Variants in MSN observed in about 807,000 individuals in gnomAD.
The protein encoded by MSN is moesin.
MSN carries 2 observed loss-of-function variants against 48.0 expected under a neutral mutation model. The observed-to-expected ratio is 0.04, with a 90% confidence interval of 0.02 to 0.13. MSN has a LOEUF of 0.13. Ranked by LOEUF, MSN falls within the 10% of genes least tolerant of loss-of-function variation. The pLI, the probability that MSN is intolerant of heterozygous loss-of-function variation, is 1.00. For synonymous variants in MSN, 146 were observed against 166.9 expected (o/e 0.87, Z 0.97); for missense variants, 267 against 470.1 (o/e 0.57, Z 3.99).
chrX:65,712,422 A>G (rs982191323), intron 1 of MSN, among the ~76,000 whole-genome samples: 6 of 111,324 alleles, frequency 5.4e-5, no homozygotes, highest in African/African-American at 1.6e-4. Flanking sequence ...CTAGAGGTTC[A>G]AAGACTGATA....
intron 1 of MSN, among the ~76,000 whole-genome samples, chrX:65,595,101 G>T (rs908295183): frequency 4.5e-5 from 5 of 111,829 alleles, no homozygotes; most frequent in Non-Finnish European, 9.4e-5. Flanking sequence ...TCATGATTAG[G>T]TTCTCACTCT....
At chrX:65,615,461 G>A (rs1349252072) in intron 1 of MSN, among the ~76,000 whole-genome samples, 3 of 110,379 alleles carry the variant, frequency 2.7e-5, no homozygotes, top group African/African-American at 1.0e-4. Context: ...GCCAGTGATG[G>A]TGAGCATTTT....
chrX:65,667,549 G>A (rs2070885282), upstream of MSN: 2 of 743,703 alleles, frequency 2.7e-6, no homozygotes, highest in African/African-American at 4.6e-5. Context: ...CTGGCCAGGC[G>A]GGGCTGGGCG....
chrX:65,738,872 TG>T, intron 11 of MSN, 97 bp from the exon 12 acceptor site: 1 of 879,244 alleles, frequency 1.1e-6, no homozygotes, highest in Non-Finnish European at 1.6e-6. Flanking sequence ...TTGTCCTACC[TG>T]GTGCCTGCCT....
intron 1 of MSN, among the ~76,000 whole-genome samples, chrX:65,647,474 G>A (rs1311030037): frequency 8.9e-6 from 1 of 112,610 alleles, no homozygotes; most frequent in Admixed American, 9.4e-5. Context: ...GCTTCCCAAA[G>A]TGCTGGGATT....
chrX:65,736,314 G>A (rs2071675199), intron 8 of MSN, among the ~76,000 whole-genome samples: 1 of 111,009 alleles, frequency 9.0e-6, no homozygotes, highest in Admixed American at 9.5e-5. Context: ...GGCCTATGTG[G>A]GGCTATGATA....
intron 1 of MSN, among the ~76,000 whole-genome samples, chrX:65,662,403 C>T (rs1433425324): frequency 2.7e-5 from 3 of 112,041 alleles, no homozygotes; most frequent in Non-Finnish European, 5.6e-5. Context: ...GCTATCAAGA[C>T]CAAAACAGCA....
At chrX:65,708,235 A>C (rs955168160) in intron 1 of MSN, among the ~76,000 whole-genome samples, 4 of 111,432 alleles carry the variant, frequency 3.6e-5, no homozygotes, top group African/African-American at 1.3e-4. Context: ...CAGTGTTTTG[A>C]TATATACAAT....
At chrX:65,678,222 C>T (rs144507927) in intron 1 of MSN, among the ~76,000 whole-genome samples, 1 of 111,893 alleles carries the variant, frequency 8.9e-6, no homozygotes, top group East Asian at 2.8e-4. Flanking sequence ...TCCTTTAGTA[C>T]AGGGAATGCC....
At chrX:65,707,962 C>T (rs1002814752) in intron 1 of MSN, among the ~76,000 whole-genome samples, 2 of 111,949 alleles carry the variant, frequency 1.8e-5, no homozygotes, top group African/African-American at 6.5e-5. Context: ...GCCTTGTCCT[C>T]ATGACTTAGT....
chrX:65,722,404 CGTGTGTGT>C (rs55900091), intron 2 of MSN, among the ~76,000 whole-genome samples: 13 of 94,699 alleles, frequency 1.4e-4, no homozygotes, highest in South Asian at 9.7e-4. Flanking sequence ...CGTGCACGCT[CGTGTGTGT>C]GTGTGTGTGT....
Position 65,592,831 on chromosome X carries a change from A to T in MSN, c.-22+4219A>T, listed in dbSNP as rs2070158665. Among the ~76,000 whole-genome samples, 2 of 110,531 alleles carry T rather than the reference A, an allele frequency of 1.8e-5. 1 individual carries two copies. The highest frequency in any genetic ancestry group is 7.8e-4 in the South Asian group (2 of 2,579). On this transcript the variant is annotated intron_variant, in intron 1 of 3. Coordinates refer to the MSN transcript ENST00000609672. Reference sequence around the variant, plus strand: ...CAAGGTGGGCGGATCACTTGAGCTCAGGAGTTCGAGACCAGCCTGTCCAAT... The same window carrying T: ...CAAGGTGGGCGGATCACTTGAGCTCTGGAGTTCGAGACCAGCCTGTCCAAT...
intron 1 of MSN, among the ~76,000 whole-genome samples, chrX:65,702,517 T>C (rs999495428): frequency 2.8e-5 from 3 of 108,778 alleles, no homozygotes; most frequent in Non-Finnish European, 5.7e-5. Context: ...AATACAAAAA[T>C]TAGCCAGACA....
At chrX:65,611,599 T>C (rs1214275073) in intron 1 of MSN, among the ~76,000 whole-genome samples, 1 of 112,139 alleles carries the variant, frequency 8.9e-6, no homozygotes, top group Non-Finnish European at 1.9e-5. Flanking sequence ...ACATTTAGTA[T>C]ATTTCATTCA....
chrX:65,736,727 C>T (rs1003362697), intron 8 of MSN, 68 bp from the exon 9 acceptor site: 8 of 1,117,798 alleles, frequency 7.2e-6, no homozygotes, highest in South Asian at 2.1e-5. Context: ...TGAGCCACCG[C>T]GCCTGGCCTC....
At chrX:65,634,644 G>C (rs1189748908) in intron 1 of MSN, among the ~76,000 whole-genome samples, 1 of 112,312 alleles carries the variant, frequency 8.9e-6, no homozygotes, top group African/African-American at 3.2e-5. Context: ...ATAAAAAAAA[G>C]CCATTGAAAT....
chrX:65,600,791 C>A (rs2070229147), intron 1 of MSN: 1 of 111,767 alleles, frequency 8.9e-6, no homozygotes, highest in Non-Finnish European at 1.9e-5. Context: ...ACCCCACAAC[C>A]CTGATTATGG....
chrX:65,628,393 C>T (rs2070525839), intron 1 of MSN, among the ~76,000 whole-genome samples: 1 of 112,856 alleles, frequency 8.9e-6, no homozygotes, highest in African/African-American at 3.2e-5. Flanking sequence ...ATGGAAGCTG[C>T]CAGGGCTTGG....
chrX:65,653,673 T>C (rs1430840698), intron 1 of MSN, among the ~76,000 whole-genome samples: 2 of 109,363 alleles, frequency 1.8e-5, no homozygotes, highest in Non-Finnish European at 3.8e-5. Context: ...ATGGATAACA[T>C]ACACATGGCC....
Sources: allele counts gnomAD v4.1 joint callset (sites outside exome capture counted in the v4.1 genomes callset), GRCh38; gene constraint gnomAD v4.1.1; transcripts MANE v1.5; gene names NCBI Gene and HGNC (gene_info 2026-07-23, HGNC 2026-07-21).